HSH2D: variants seen among roughly 807,000 people sequenced by gnomAD.
The protein encoded by HSH2D is hematopoietic SH2 domain containing.
HSH2D carries 16 observed loss-of-function variants against 21.5 expected under a neutral mutation model. The observed-to-expected ratio is 0.74, with a 90% CI of 0.50 to 1.13. The LOEUF is 1.13. Ranked by LOEUF, HSH2D falls within the 50% of genes most tolerant of loss-of-function variation. The pLI is 0.00. For missense variants in HSH2D, 418 were observed against 441.4 expected (o/e 0.95, Z 0.47); for synonymous variants, 172 against 184.7 (o/e 0.93, Z 0.56).
upstream of HSH2D, among the ~76,000 whole-genome samples, chr19:16,142,368 T>C (rs11666049): frequency 0.073 from 11,049 of 152,296 alleles, 504 homozygotes; most frequent in African/African-American, 0.12. Context: ...CCTCTGTGGG[T>C]TTGTGCAACT....
chr19:16,145,456 G>A (rs938608061), intron 1 of HSH2D, among the ~76,000 whole-genome samples: 2 of 152,050 alleles, frequency 1.3e-5, no homozygotes, highest in African/African-American at 2.4e-5. Flanking sequence ...CAGGCAATCC[G>A]CCTGCCTCAG....
rs189548699 is a variant in HSH2D at position 16,148,184 on chromosome 19, T to C, written c.-27-540T>C. Reference sequence around the variant, plus strand: ...ATTTATTTTTTGAGGAGTCTCACTCTGTCGCCCAGGCTGGAGCACAGTGGC... The same window carrying C: ...ATTTATTTTTTGAGGAGTCTCACTCCGTCGCCCAGGCTGGAGCACAGTGGC... On this transcript the variant is annotated intron_variant, in intron 1 of 5. Coordinates refer to ENST00000613986, the MANE Select transcript of HSH2D (RefSeq NM_001382417.1). Among the ~76,000 whole-genome samples, 54 of 152,276 alleles carry C rather than the reference T, an allele frequency of 3.5e-4. No homozygotes were observed. In the East Asian group the frequency reaches 9.7e-3, roughly 27 times the overall value.
rs535272237 is a variant in HSH2D, at chr19:16,143,691, G to A, written c.-111G>A. On this transcript the variant is annotated 5_prime_UTR_variant, in exon 1 of 6. It adds an upstream start codon to the 5' untranslated region. Coordinates refer to ENST00000613986, the MANE Select transcript of HSH2D (RefSeq NM_001382417.1). ...GGGCAGCCAGCCCCGCCCCATTGACGTGCAGACCTTGAATCGAAACCCAGG... is the reference window on the plus strand; with the variant it reads ...GGGCAGCCAGCCCCGCCCCATTGACATGCAGACCTTGAATCGAAACCCAGG... 1.4e-4 allele frequency: 64 copies of A among 447,974 alleles called. No individual in the cohort carries two copies. The highest frequency in any genetic ancestry group is 4.8e-4 in the African/African-American group (24 of 49,626). 27.7% of individuals were successfully genotyped at this position (447,974 alleles called of 1,614,324 possible). A position where few individuals can be genotyped will look rare whatever the true frequency, so the allele number is the denominator to read the frequency against.
intron 2 of HSH2D, among the ~76,000 whole-genome samples, chr19:16,150,227 T>C (rs371806030): frequency 6.6e-6 from 1 of 151,220 alleles, no homozygotes; most frequent in Admixed American, 6.6e-5. Context: ...CTGGACAACA[T>C]AGTGAGACTC....
chr19:16,145,884 TG>T (rs143610833), intron 1 of HSH2D, among the ~76,000 whole-genome samples: 2,806 of 152,134 alleles, frequency 0.018, 85 homozygotes, highest in African/African-American at 0.064. Flanking sequence ...GAGACCAGCC[TG>T]GCCAACATGG....
chr19:16,134,864 A>G (rs943689317), intron 1 of HSH2D, among the ~76,000 whole-genome samples: 9 of 152,052 alleles, frequency 5.9e-5, no homozygotes, highest in Admixed American at 2.0e-4. Flanking sequence ...GCTTATGCCT[A>G]TAATCCCAGT....
intron 2 of HSH2D, 31 bp downstream of exon 2, chr19:16,148,906 C>A: frequency 6.3e-7 from 1 of 1,580,268 alleles, no homozygotes. Flanking sequence ...TCCACCCTGC[C>A]CTCCCCACCC....
chr19:16,151,943 T>TAAAA (rs35017472), intron 2 of HSH2D, among the ~76,000 whole-genome samples: 6 of 109,562 alleles, frequency 5.5e-5, no homozygotes, highest in African/African-American at 1.8e-4. Context: ...CTGTCTCTAC[T>TAAAA]AAAAAAAAAA....
upstream of HSH2D, among the ~76,000 whole-genome samples, chr19:16,141,262 T>C (rs444053): frequency 0.78 from 119,019 of 152,210 alleles, 47,569 homozygotes; most frequent in African/African-American, 0.94. Context: ...GCAGACGAGG[T>C]GCTGCTGTTG....
intron 2 of HSH2D, among the ~76,000 whole-genome samples, chr19:16,150,849 C>T (rs1329192418): frequency 1.3e-5 from 2 of 151,766 alleles, no homozygotes; most frequent in Non-Finnish European, 1.5e-5. Context: ...TAGAGTAAGA[C>T]CCTGTCTCAA....
intron 2 of HSH2D, 22 bp from the exon 3 acceptor site, chr19:16,152,530 C>T: frequency 6.9e-7 from 1 of 1,451,060 alleles, no homozygotes; most frequent in Non-Finnish European, 9.1e-7. Flanking sequence ...GTTTCATTTC[C>T]TTTCTGTGTG....
chr19:16,153,217 G>A lies in HSH2D; in HGVS notation c.381+9G>A, dbSNP rs1477936647. On this transcript the variant is annotated intron_variant, in intron 4 of 5. Transcript: ENST00000613986. The stretch of plus-strand genomic sequence containing the variant: ...CACAGCCCTGCAGGCAGGTGAGGGC[G>A]GGGACCCACAAGGTTCACAGCCATT... 12 of 1,512,602 alleles carry A rather than the reference G, an allele frequency of 7.9e-6. No individual in the cohort carries two copies. The highest frequency in any genetic ancestry group is 1.4e-5 in the African/African-American group (1 of 72,004). 93.7% of individuals were successfully genotyped at this position (1,512,602 alleles called of 1,614,324 possible).
At chr19:16,134,719 G>T (rs2090948865) in intron 1 of HSH2D, among the ~76,000 whole-genome samples, 1 of 152,014 alleles carries the variant, frequency 6.6e-6, no homozygotes, top group Admixed American at 6.6e-5. Flanking sequence ...ACGACCACCT[G>T]GACCTCTGTG....
intron 1 of HSH2D, among the ~76,000 whole-genome samples, chr19:16,147,756 G>A (rs1397920475): frequency 4.1e-5 from 6 of 147,762 alleles, no homozygotes; most frequent in Admixed American, 2.7e-4. Context: ...AGTGATTCTC[G>A]TGCCTCAGCC....
chr19:16,141,784 C>T (rs573481580), upstream of HSH2D, among the ~76,000 whole-genome samples: 4 of 152,026 alleles, frequency 2.6e-5, no homozygotes, highest in East Asian at 3.9e-4. Flanking sequence ...ATTAGCCAGG[C>T]GTGTTGGTGG....
At chr19:16,150,720 G>A (rs552416656) in intron 2 of HSH2D, among the ~76,000 whole-genome samples, 2 of 151,266 alleles carry the variant, frequency 1.3e-5, no homozygotes, top group African/African-American at 2.4e-5. Context: ...TTAGCCAGGC[G>A]TGTGGAACAT....
chr19:16,157,128 G>A lies in HSH2D; in HGVS notation c.475-82G>A. 1 of 1,174,848 alleles carries A rather than the reference G, an allele frequency of 8.5e-7. No individual in the cohort carries two copies. Among genetic ancestry groups the A allele is most frequent in the South Asian group, 1.6e-5 (1 of 63,094 alleles). 72.8% of individuals were successfully genotyped at this position (1,174,848 alleles called of 1,614,324 possible). A position where few individuals can be genotyped will look rare whatever the true frequency, so the allele number is the denominator to read the frequency against. On this transcript the variant is annotated intron_variant, in intron 5 of 5. Coordinates refer to ENST00000613986, the MANE Select transcript of HSH2D (RefSeq NM_001382417.1). The surrounding 1 kb of genome is among the most constrained non-coding windows in gnomAD (Gnocchi z 4.4). Reference sequence around the variant, plus strand: ...TTTCTCAGCCACAGGGTGTCTGGGTGGAACCCAGGCTCCAATTTCTGGGAC... The same window carrying A: ...TTTCTCAGCCACAGGGTGTCTGGGTAGAACCCAGGCTCCAATTTCTGGGAC...
Position 16,143,763 on chromosome 19 carries a change from A to G in HSH2D, c.-39A>G. 1 of 452,630 alleles carries G rather than the reference A, an allele frequency of 2.2e-6. No individual in the cohort carries two copies. The highest frequency in any genetic ancestry group is 4.5e-6 in the Non-Finnish European group (1 of 224,610). The allele number at this position is 452,630 out of a possible 1,614,324, so 28.0% of individuals were successfully genotyped here. A position where few individuals can be genotyped will look rare whatever the true frequency, so the allele number is the denominator to read the frequency against. On this transcript the variant is annotated 5_prime_UTR_variant, in exon 1 of 6. Coordinates refer to ENST00000613986, the MANE Select transcript of HSH2D (RefSeq NM_001382417.1). ...CTACAGCGAGGGCCTCGGCCATCCA[A>G]GGGTCTCCCAGGTATGTGACCCAAG...
At chr19:16,149,591 AT>A (rs1369923271) in intron 2 of HSH2D, among the ~76,000 whole-genome samples, 143 of 122,872 alleles carry the variant, frequency 1.2e-3, no homozygotes, top group Middle Eastern at 7.1e-3. Context: ...TTCTTTTTCT[AT>A]TTTTTTTTTT....
Sources: allele counts gnomAD v4.1 joint callset (sites outside exome capture counted in the v4.1 genomes callset), GRCh38; gene constraint gnomAD v4.1.1; non-coding constraint Gnocchi (gnomAD v3.1); transcripts MANE v1.5; gene names NCBI Gene and HGNC (gene_info 2026-07-23, HGNC 2026-07-21).